The following ARID1A variants were observed in gnomAD, a reference collection of about 807,000 sequenced individuals.
The protein encoded by ARID1A is AT-rich interaction domain 1A.
In ARID1A, 20 loss-of-function variants were observed where a neutral mutation model predicts 212.6. That is an observed-to-expected ratio of 0.09 (90% CI 0.07 to 0.14). The LOEUF (loss-of-function observed/expected upper bound fraction) is 0.14, where lower values mean the gene tolerates loss of function less well. Among genes scored for constraint, ARID1A ranks in the 10% least tolerant of loss-of-function variants. ARID1A has a pLI of 1.00. For synonymous variants in ARID1A, 1,376 were observed against 1,222.1 expected (o/e 1.13, Z -2.63); for missense variants, 2,587 against 3,059.0 (o/e 0.85, Z 3.64).
intron 1 of ARID1A, among the ~76,000 whole-genome samples, chr1:26,708,899 G>A (rs1177340339): frequency 6.6e-6 from 1 of 151,684 alleles, no homozygotes; most frequent in Non-Finnish European, 1.5e-5. Context: ...GCTTCACCAT[G>A]TTAGCCAGGA....
chr1:26,752,997 C>T (rs1288580904), intron 4 of ARID1A: 1 of 152,204 alleles, frequency 6.6e-6, no homozygotes, highest in Non-Finnish European at 1.5e-5. Context: ...AACCCTAAAT[C>T]TGAGCATTGC....
intron 11 of ARID1A, among the ~76,000 whole-genome samples, chr1:26,768,362 CAT>C (rs2081056709): frequency 6.6e-6 from 1 of 152,166 alleles, no homozygotes; most frequent in Non-Finnish European, 1.5e-5. Context: ...CCACTTATAA[CAT>C]ATATGACCTT....
At chr1:26,703,635 G>T (rs2080359928) in intron 1 of ARID1A, among the ~76,000 whole-genome samples, 1 of 152,190 alleles carries the variant, frequency 6.6e-6, no homozygotes, top group African/African-American at 2.4e-5. Flanking sequence ...CACTGACATA[G>T]GTTGCTTAAT....
chr1:26,746,816 C>T (rs2080839396), intron 4 of ARID1A, among the ~76,000 whole-genome samples: 1 of 152,190 alleles, frequency 6.6e-6, no homozygotes, highest in Non-Finnish European at 1.5e-5. Context: ...GCGGGCAAAT[C>T]ACCTGAGGTC....
At chr1:26,746,303 AGTT>A (rs1426997934) in intron 4 of ARID1A, among the ~76,000 whole-genome samples, 3 of 152,210 alleles carry the variant, frequency 2.0e-5, no homozygotes, top group Non-Finnish European at 4.4e-5. Context: ...GGATGAACTC[AGTT>A]GTTGTAGTGA....
chr1:26,711,268 G>A (rs374261986), intron 1 of ARID1A, among the ~76,000 whole-genome samples: 7 of 151,910 alleles, frequency 4.6e-5, no homozygotes, highest in Admixed American at 1.3e-4. Flanking sequence ...CACCACGCCC[G>A]GCTAATTTTA....
intron 4 of ARID1A, among the ~76,000 whole-genome samples, chr1:26,760,275 G>T (rs1346681769): frequency 6.6e-6 from 1 of 152,238 alleles, no homozygotes; most frequent in Admixed American, 6.5e-5. Flanking sequence ...TATATTGTCT[G>T]ACTACTGTTG....
chr1:26,706,715 C>T (rs2080395576), intron 1 of ARID1A, among the ~76,000 whole-genome samples: 1 of 152,176 alleles, frequency 6.6e-6, no homozygotes, highest in Admixed American at 6.5e-5. Flanking sequence ...TTCTGTTGTC[C>T]TTAGAGAACA....
intron 4 of ARID1A, among the ~76,000 whole-genome samples, chr1:26,756,209 C>T (rs1570597872): frequency 1.3e-5 from 2 of 151,644 alleles, no homozygotes; most frequent in Admixed American, 1.3e-4. Flanking sequence ...CCCAGGAGTT[C>T]GAGACAAGCC....
chr1:26,773,169 T>A (rs2081099086), intron 14 of ARID1A, among the ~76,000 whole-genome samples, 177 bp from the exon 15 acceptor site: 1 of 152,068 alleles, frequency 6.6e-6, no homozygotes, highest in South Asian at 2.1e-4. Context: ...CTTCACCTTG[T>A]CATCCCTTAA....
intron 19 of ARID1A, chr1:26,778,263 C>CA (rs1271284098): frequency 0.03 from 3,784 of 126,972 alleles, 94 homozygotes; most frequent in Admixed American, 0.062. Context: ...GACTTCATCT[C>CA]AAAAAAAAAA....
In ARID1A at chr1:26,772,147, C is replaced by G. The variant is rs2081087881; in HGVS notation, c.3407-353C>G. 5 of 232,600 alleles carry G rather than the reference C, an allele frequency of 2.1e-5. 1 individual carries two copies. The South Asian group carries it at 4.5e-4, about 21-fold the overall frequency. The allele number at this position is 232,600 out of a possible 1,614,324, so 14.4% of individuals were successfully genotyped here. ...CCACCCAGGACTTGGGAGGCTCTGA[C>G]TGGAGCTCATGCACCAGCATTACAG... On this transcript the variant is annotated intron_variant, in intron 12 of 19. Coordinates refer to ENST00000324856, the MANE Select transcript of ARID1A (RefSeq NM_006015.6).
rs999411101 is a variant in ARID1A, at chr1:26,729,663, A to G, written c.1150A>G (p.Met384Val). The change falls in exon 2 of 20, where the codon ATG becomes GTG. Residue 384 changes from methionine to valine, a missense_variant. Physicochemically the swap from Met to Val is conservative, Grantham distance 21. Around this residue, in one of 11 missense-constraint regions of ARID1A, gnomAD observed 674 missense variants for 813.4 expected, o/e 0.83. Transcript: ENST00000324856. ...CTTTATTTTGTAGCCATCCAGTCCA[A>G]TGGATCAGATGGGCAAGATGAGACC... ...LARTPQPSSP[M>V]DQMGKMRPQP... 2.4e-5 allele frequency: 39 copies of G among 1,614,242 alleles called. No homozygotes were observed. The highest frequency in any genetic ancestry group is 6.7e-5 in the East Asian group (3 of 44,890).
intron 4 of ARID1A, among the ~76,000 whole-genome samples, chr1:26,741,525 C>T (rs2080788463): frequency 6.6e-6 from 1 of 151,980 alleles, no homozygotes; most frequent in Admixed American, 6.6e-5. Context: ...AAGGTGCTGG[C>T]AGAATATTAG....
intron 7 of ARID1A, 137 bp from the exon 8 acceptor site, chr1:26,762,835 TG>T: frequency 1.1e-6 from 1 of 903,546 alleles, no homozygotes; most frequent in Non-Finnish European, 1.6e-6. Flanking sequence ...CTTTTTCTCA[TG>T]GCGATAAAGG....
intron 8 of ARID1A, chr1:26,765,521 C>CTAGAGCTTGAACTCTCTTAG (rs1553152372): frequency 6.6e-6 from 1 of 151,148 alleles, no homozygotes; most frequent in African/African-American, 2.4e-5. Flanking sequence ...TGTTTGCTAT[C>CTAGAGCTTGAACTCTCTTAG]TAGAGCTTGA....
At chr1:26,765,122 G>C (rs1055191598) in intron 8 of ARID1A, 2 of 152,244 alleles carry the variant, frequency 1.3e-5, no homozygotes, top group African/African-American at 4.8e-5. Flanking sequence ...TTGAACCTGG[G>C]AGGCGGAGGT....
chr1:26,742,840 T>G lies in ARID1A; in HGVS notation c.1920+10048T>G, dbSNP rs868202792. Reference sequence around the variant, plus strand: ...AAAAATTTAGCTGGGCGTGGTGGCATGCACCTGTGATCCCAGCTACTCAGG... The same window carrying G: ...AAAAATTTAGCTGGGCGTGGTGGCAGGCACCTGTGATCCCAGCTACTCAGG... On this transcript the variant is annotated intron_variant, in intron 4 of 19. Transcript: ENST00000324856. Among the ~76,000 whole-genome samples, 5 of 152,140 alleles carry G rather than the reference T, an allele frequency of 3.3e-5. No homozygotes were observed. In the Middle Eastern group the frequency reaches 0.01, roughly 310 times the overall value.
intron 1 of ARID1A, among the ~76,000 whole-genome samples, chr1:26,719,978 C>T (rs1318700726): frequency 6.1e-5 from 9 of 147,852 alleles, no homozygotes. Context: ...CTGGGCTGGG[C>T]GTGGTGGCTC....
Sources: allele counts gnomAD v4.1 joint callset (sites outside exome capture counted in the v4.1 genomes callset), GRCh38; gene constraint gnomAD v4.1.1; regional missense constraint gnomAD v4.1.1; transcripts MANE v1.5; gene names NCBI Gene and HGNC (gene_info 2026-07-23, HGNC 2026-07-21).